SMOC2: variants seen among roughly 807,000 people sequenced by gnomAD.
SMOC2 encodes SPARC-related modular calcium-binding protein 2.
Under a neutral mutation model 61.4 loss-of-function variants are expected in SMOC2, and 39 were observed. That is an observed-to-expected ratio of 0.64 (90% CI 0.49 to 0.83). The LOEUF (loss-of-function observed/expected upper bound fraction) is 0.83. SMOC2 is among the 40% of genes least tolerant of loss of function. The probability of loss-of-function intolerance (pLI) is 0.00; values close to 1 mark genes in which losing one functional copy is unlikely to be tolerated. For missense variants in SMOC2, 556 were observed against 592.9 expected, an observed-to-expected ratio of 0.94 and a Z score of 0.65; for synonymous variants, 247 against 239.9, an observed-to-expected ratio of 1.03 and a Z score of -0.27.
intron 9 of SMOC2, among the ~76,000 whole-genome samples, chr6:168,642,058 A>G (rs980798722): frequency 6.6e-6 from 1 of 152,230 alleles, no homozygotes; most frequent in African/African-American, 2.4e-5. Flanking sequence ...TCTTTTTTAA[A>G]GTATGAATTG....
At chr6:168,483,501 A>T (rs916884999) in intron 1 of SMOC2, among the ~76,000 whole-genome samples, 1 of 152,164 alleles carries the variant, frequency 6.6e-6, no homozygotes, top group Non-Finnish European at 1.5e-5. Flanking sequence ...GCTAAGTATT[A>T]GTATTGTTAA....
rs919716210 is a variant in SMOC2 at position 168,589,055 on chromosome 6, T to G, written c.638-9763T>G. On this transcript the variant is annotated intron_variant, in intron 7 of 12. Transcript: ENST00000356284. ...TCGTGCCACTGCACTCCAGCCTGCA[T>G]GACAGAGGGAGAATTCGTCTCAAAA... Among the ~76,000 whole-genome samples, 7 of 124,880 alleles carry G rather than the reference T, an allele frequency of 5.6e-5. No individual in the cohort carries two copies. In the South Asian group the frequency reaches 1.5e-3, roughly 26 times the overall value. 81.9% of individuals were successfully genotyped at this position (124,880 alleles called of 152,430 possible). A position where few individuals can be genotyped will look rare whatever the true frequency, so the allele number is the denominator to read the frequency against.
chr6:168,558,490 G>C (rs1000562996), intron 7 of SMOC2, among the ~76,000 whole-genome samples: 2 of 152,156 alleles, frequency 1.3e-5, no homozygotes, highest in African/African-American at 4.8e-5. Context: ...AGGACAGAAG[G>C]GGGGCCTGGG....
chr6:168,592,685 A>G (rs71536608), intron 7 of SMOC2, among the ~76,000 whole-genome samples: 6 of 87,872 alleles, frequency 6.8e-5, no homozygotes, highest in East Asian at 6.7e-4. Context: ...CCTCACGGGC[A>G]TCTTTCTAGA....
intron 8 of SMOC2, among the ~76,000 whole-genome samples, chr6:168,605,515 A>G (rs1323575487): frequency 3.3e-5 from 5 of 152,196 alleles, no homozygotes; most frequent in African/African-American, 7.2e-5. Context: ...TCAATTCTGC[A>G]AGTCATGGGC....
At chr6:168,611,009 C>T (rs923195761) in intron 9 of SMOC2, among the ~76,000 whole-genome samples, 3 of 152,200 alleles carry the variant, frequency 2.0e-5, no homozygotes, top group Non-Finnish European at 4.4e-5. Context: ...ACAGGTTCAC[C>T]TCACTTTATT....
rs180909234 is a variant in SMOC2, at chr6:168,532,046, C to T, written c.463+4319C>T. Among the ~76,000 whole-genome samples, 121 of 152,254 alleles carry T rather than the reference C, an allele frequency of 7.9e-4. 2 individuals are homozygous for T. Among genetic ancestry groups the T allele is most frequent in the South Asian group, 2.1e-3 (10 of 4,812 alleles). ...GTATCCAAGTCCACTTCATGTTCTGCGCTGCTGAGAGCAGGTGTTTCTTGC... is the reference window on the plus strand; with the variant it reads ...GTATCCAAGTCCACTTCATGTTCTGTGCTGCTGAGAGCAGGTGTTTCTTGC... On this transcript the variant is annotated intron_variant, in intron 4 of 12. Transcript: ENST00000356284.
At position 168,547,105 on chromosome 6, in the gene SMOC2, C is replaced by T. The variant is rs200387810; in HGVS notation, c.512-14C>T. 9.0e-5 allele frequency: 146 copies of T among 1,614,022 alleles called. 3 individuals carry two copies. Among genetic ancestry groups the T allele is most frequent in the South Asian group, 5.4e-4 (49 of 91,072 alleles). The stretch of plus-strand genomic sequence containing the variant: ...TTGTAGTCTCCTTGCAAATCTTTTC[C>T]GTTCTGAATTCAGATGATGCCGCAG... On this transcript the variant is annotated splice_polypyrimidine_tract_variant and intron_variant, in intron 5 of 12. Transcript: ENST00000356284.
intron 11 of SMOC2, among the ~76,000 whole-genome samples, chr6:168,659,748 A>AGATTATTGGCTGGAGGAGGG (rs1562410993): frequency 4.0e-4 from 12 of 30,244 alleles, no homozygotes; most frequent in African/African-American, 6.0e-4. Context: ...TTGGGTGAGG[A>AGATTATTGGCTGGAGGAGGG]TGGAGGTTGT....
intron 9 of SMOC2, among the ~76,000 whole-genome samples, chr6:168,616,897 G>C (rs987600190): frequency 2.6e-5 from 4 of 152,214 alleles, no homozygotes; most frequent in African/African-American, 9.6e-5. Context: ...ACTGCGGGGG[G>C]GTTGCAGGGA....
At chr6:168,482,971 G>A (rs1429366782) in intron 1 of SMOC2, among the ~76,000 whole-genome samples, 1 of 151,988 alleles carries the variant, frequency 6.6e-6, no homozygotes, top group Non-Finnish European at 1.5e-5. Flanking sequence ...AAGACCACAA[G>A]TTTTTTCCCT....
chr6:168,488,842 T>G (rs978890529), intron 1 of SMOC2, among the ~76,000 whole-genome samples: 19 of 142,476 alleles, frequency 1.3e-4, no homozygotes, highest in African/African-American at 4.7e-4. Context: ...TGGGTCCCCT[T>G]GCATCACACT....
At position 168,453,083 on chromosome 6, in the gene SMOC2, G is replaced by T. The variant is rs1740875365; in HGVS notation, c.84+11629G>T. 1.3e-5 allele frequency among the ~76,000 whole-genome samples: 2 copies of T among 152,224 alleles called. No homozygotes were observed. Among genetic ancestry groups the T allele is most frequent in the Non-Finnish European group, 2.9e-5 (2 of 68,028 alleles). On this transcript the variant is annotated intron_variant, in intron 1 of 12. Coordinates refer to ENST00000356284, the MANE Select transcript of SMOC2 (RefSeq NM_001166412.2). This position sits in a 1 kb window ranked among gnomAD's most constrained non-coding sequence, Gnocchi z 4.4. ...CTGTTTCTGCACCAGAGTCCCCAGG[G>T]CCTTGGCCGGACACTCAGGGCAATC...
chr6:168,568,136 G>A (rs150973992), intron 7 of SMOC2, among the ~76,000 whole-genome samples: 49 of 150,498 alleles, frequency 3.3e-4, no homozygotes, highest in East Asian at 1.6e-3. Context: ...GGCGAAGACC[G>A]GATGGTGTGA....
In SMOC2 at chr6:168,527,615, T is replaced by A; in HGVS notation, c.364-13T>A. ...GGCCCGGGAGGGCTTACCCGTCCTG[T>A]GCTCTCTCGCAGGTCCAGTGTCACA... On this transcript the variant is annotated splice_polypyrimidine_tract_variant and intron_variant, in intron 3 of 12. Coordinates refer to ENST00000356284, the MANE Select transcript of SMOC2 (RefSeq NM_001166412.2). The A allele has an allele frequency of 1.3e-6, 2 of 1,545,814 alleles. No individual in the cohort carries two copies. Among genetic ancestry groups the A allele is most frequent in the Non-Finnish European group, 1.7e-6 (2 of 1,143,310 alleles).
rs1787684754 is a variant in SMOC2, at chr6:168,667,267, G to A, written c.*829G>A. 1 of 152,130 alleles carries A rather than the reference G, an allele frequency of 6.6e-6. No homozygotes were observed. Among genetic ancestry groups the A allele is most frequent in the Non-Finnish European group, 1.5e-5 (1 of 68,058 alleles). The allele number at this position is 152,130 out of a possible 1,614,324, so 9.4% of individuals were successfully genotyped here. ...AGCTGGCTAACAGGCTTGTCTGCCT[G>A]GTTTTCCTCCTACACGTGGACATTA... On this transcript the variant is annotated 3_prime_UTR_variant, in exon 13 of 13. Coordinates refer to ENST00000356284, the MANE Select transcript of SMOC2 (RefSeq NM_001166412.2).
intron 9 of SMOC2, among the ~76,000 whole-genome samples, chr6:168,613,531 T>C (rs1785947090): frequency 6.6e-6 from 1 of 152,154 alleles, no homozygotes; most frequent in African/African-American, 2.4e-5. Flanking sequence ...CAAGTGTTTC[T>C]GGAAGCTCTA....
At chr6:168,459,034 A>C (rs994569917) in intron 1 of SMOC2, among the ~76,000 whole-genome samples, 1 of 152,336 alleles carries the variant, frequency 6.6e-6, no homozygotes. Context: ...GGCCTTGTTC[A>C]AAATGGTTTA....
chr6:168,539,075 C>G (rs1476135317), intron 4 of SMOC2, among the ~76,000 whole-genome samples: 1 of 152,092 alleles, frequency 6.6e-6, no homozygotes, highest in East Asian at 1.9e-4. Context: ...GGCTCGTGCT[C>G]CCTGACACTG....
Sources: allele counts gnomAD v4.1 joint callset (sites outside exome capture counted in the v4.1 genomes callset), GRCh38; gene constraint gnomAD v4.1.1; non-coding constraint Gnocchi (gnomAD v3.1); transcripts MANE v1.5; gene names NCBI Gene and HGNC (gene_info 2026-07-23, HGNC 2026-07-21).